The following TRPS1 variants were observed in gnomAD, a reference collection of about 807,000 sequenced individuals.
TRPS1 encodes the protein transcriptional repressor GATA binding 1.
A neutral mutation model predicts 101.2 loss-of-function variants in TRPS1; 6 were observed. The observed-to-expected ratio is 0.06, with a 90% CI of 0.03 to 0.12. The LOEUF is 0.12. Among genes scored for constraint, TRPS1 ranks in the 10% least tolerant of loss-of-function variants. The pLI is 1.00. For missense variants in TRPS1, 1,363 were observed against 1,567.0 expected (o/e 0.87, Z 2.20); for synonymous variants, 578 against 589.8 (o/e 0.98, Z 0.29).
chr8:115,437,994 A>G (rs1813497472), intron 5 of TRPS1, among the ~76,000 whole-genome samples: 6 of 152,230 alleles, frequency 3.9e-5, no homozygotes, highest in Non-Finnish European at 1.5e-5. Flanking sequence ...TGAGGTTATT[A>G]AGGCTAAAAT....
intron 5 of TRPS1, among the ~76,000 whole-genome samples, chr8:115,582,302 A>G (rs1817469797): frequency 6.6e-6 from 1 of 152,192 alleles, no homozygotes; most frequent in South Asian, 2.1e-4. Context: ...CAGTGGTTGT[A>G]AAGGCATTCA....
At chr8:115,634,531 C>G (rs1355232466) in intron 1 of TRPS1, among the ~76,000 whole-genome samples, 1 of 152,020 alleles carries the variant, frequency 6.6e-6, no homozygotes, top group Non-Finnish European at 1.5e-5. Flanking sequence ...ACAGTTTTAC[C>G]TGATTATTTC....
intron 5 of TRPS1, among the ~76,000 whole-genome samples, chr8:115,560,760 G>A (rs761949743): frequency 8.5e-5 from 13 of 152,050 alleles, no homozygotes; most frequent in Non-Finnish European, 1.6e-4. Context: ...CAGACACCAT[G>A]GTAGGAAAAC....
At chr8:115,507,551 G>A (rs1314501263) in intron 5 of TRPS1, among the ~76,000 whole-genome samples, 2 of 151,898 alleles carry the variant, frequency 1.3e-5, no homozygotes, top group African/African-American at 2.4e-5. Context: ...TCATCTACAC[G>A]CAACTTTATC....
intron 5 of TRPS1, among the ~76,000 whole-genome samples, chr8:115,577,938 A>G (rs565686677): frequency 5.3e-5 from 8 of 152,280 alleles, no homozygotes; most frequent in African/African-American, 1.9e-4. Context: ...AGCATCATCC[A>G]TGGAGGCAAA....
At chr8:115,492,305 TGTTTTCAGGA>T (rs1181568726) in intron 5 of TRPS1, 3 of 454,772 alleles carry the variant, frequency 6.6e-6, no homozygotes, top group Non-Finnish European at 1.3e-5. Flanking sequence ...CAACTAGATA[TGTTTTCAGGA>T]GTTAATTAGA....
intron 5 of TRPS1, among the ~76,000 whole-genome samples, chr8:115,582,395 G>A (rs763522852): frequency 5.3e-5 from 8 of 152,094 alleles, no homozygotes; most frequent in Non-Finnish European, 1.0e-4. Context: ...TAGTCTGTCC[G>A]GTATCAACAA....
intron 1 of TRPS1, among the ~76,000 whole-genome samples, chr8:115,646,356 G>T (rs2737245): frequency 0.24 from 35,825 of 152,000 alleles, 4,729 homozygotes; most frequent in Admixed American, 0.3. Context: ...TACAACCTAT[G>T]GGACTTCTAA....
chr8:115,569,929 T>C (rs933252821), intron 5 of TRPS1, among the ~76,000 whole-genome samples: 2 of 152,042 alleles, frequency 1.3e-5, no homozygotes, highest in Non-Finnish European at 2.9e-5. Context: ...AGAAGGTATA[T>C]AAAAAATAAA....
chr8:115,506,990 T>A (rs1479101901), intron 5 of TRPS1, among the ~76,000 whole-genome samples: 1 of 152,104 alleles, frequency 6.6e-6, no homozygotes, highest in African/African-American at 2.4e-5. Flanking sequence ...AAGAATGATT[T>A]GGGTTAAAAA....
chr8:115,603,731 T>C, intron 4 of TRPS1, 142 bp downstream of exon 4: 2 of 978,552 alleles, frequency 2.0e-6, no homozygotes, highest in Non-Finnish European at 3.0e-6. Context: ...AAATCTGTGA[T>C]GAACTTTTAT....
chr8:115,632,307 A>C (rs1010900422), intron 1 of TRPS1, among the ~76,000 whole-genome samples: 2 of 152,162 alleles, frequency 1.3e-5, no homozygotes, highest in Non-Finnish European at 2.9e-5. Flanking sequence ...AACTCAAAAT[A>C]TACTATACAA....
intron 1 of TRPS1, among the ~76,000 whole-genome samples, chr8:115,639,665 C>CAA (rs11395796): frequency 0.029 from 3,944 of 138,276 alleles, 183 homozygotes; most frequent in African/African-American, 0.095. Flanking sequence ...CCAATCTCTA[C>CAA]AAAAAAAAAA....
At chr8:115,646,190 T>C (rs1036204914) in intron 1 of TRPS1, among the ~76,000 whole-genome samples, 3 of 152,222 alleles carry the variant, frequency 2.0e-5, no homozygotes, top group Middle Eastern at 3.2e-3. Context: ...CTGTTTTACA[T>C]GTTTTATCTA....
chr8:115,553,135 C>T (rs1215601656), intron 5 of TRPS1, among the ~76,000 whole-genome samples: 1 of 152,042 alleles, frequency 6.6e-6, no homozygotes, highest in Non-Finnish European at 1.5e-5. Context: ...GATTTTTAAA[C>T]AGTACCAAAA....
chr8:115,438,736 C>T (rs1353337413), intron 5 of TRPS1, among the ~76,000 whole-genome samples: 2 of 152,046 alleles, frequency 1.3e-5, no homozygotes, highest in Non-Finnish European at 1.5e-5. Flanking sequence ...CCTCTCCCTG[C>T]CCCTCCTGCC....
chr8:115,570,789 T>C lies in TRPS1; in HGVS notation c.2700+16212A>G, dbSNP rs190362288. The stretch of plus-strand genomic sequence containing the variant: ...AGAAACCCCAACATTGCCATGAAAT[T>C]GATACCTTAAAATCATAAGAACTGG... On this transcript the variant is annotated intron_variant, in intron 5 of 6. Coordinates refer to ENST00000395715, the MANE Select transcript of TRPS1 (RefSeq NM_014112.5). 7.5e-4 allele frequency among the ~76,000 whole-genome samples: 114 copies of C among 152,042 alleles called. 1 individual carries two copies. Among genetic ancestry groups the C allele is most frequent in the African/African-American group, 2.6e-3 (106 of 41,464 alleles).
intron 5 of TRPS1, among the ~76,000 whole-genome samples, chr8:115,522,174 A>C (rs1334547936): frequency 1.3e-5 from 2 of 151,998 alleles, no homozygotes; most frequent in Non-Finnish European, 2.9e-5. Context: ...ACCTGTTAGA[A>C]TTATAGCATG....
At chr8:115,607,844 T>C (rs937907854) in intron 3 of TRPS1, among the ~76,000 whole-genome samples, 3 of 152,274 alleles carry the variant, frequency 2.0e-5, no homozygotes, top group East Asian at 3.9e-4. Context: ...TAGCGAAATA[T>C]AGATGACATA....
Sources: gnomAD v4.1 joint callset for allele counts (sites outside exome capture counted in the v4.1 genomes callset) on GRCh38, gnomAD v4.1.1 for gene constraint, MANE v1.5 for transcripts, NCBI Gene and HGNC (gene_info 2026-07-23, HGNC 2026-07-21) for gene names.